RALGAPA2: variants seen among roughly 807,000 people sequenced by gnomAD.
RALGAPA2 encodes the protein ral GTPase-activating protein subunit alpha-2.
A neutral mutation model predicts 230.4 loss-of-function variants in RALGAPA2; 139 were observed. The observed-to-expected ratio is 0.60, with a 90% CI of 0.53 to 0.69. RALGAPA2 has a LOEUF of 0.69. Among genes scored for constraint, RALGAPA2 ranks in the 30% least tolerant of loss-of-function variants. The pLI, the probability that RALGAPA2 is intolerant of heterozygous loss-of-function variation, is 0.00. For synonymous variants in RALGAPA2, 847 were observed against 837.8 expected (o/e 1.01, Z -0.19); for missense variants, 2,163 against 2,276.0 (o/e 0.95, Z 1.01).
intron 1 of RALGAPA2, among the ~76,000 whole-genome samples, chr20:20,694,904 T>A (rs542842854): frequency 2.0e-5 from 3 of 152,336 alleles, no homozygotes; most frequent in African/African-American, 7.2e-5. Flanking sequence ...ATACCTAAAT[T>A]ATTTTTCATA....
chr20:20,408,389 C>T (rs142240737), intron 38 of RALGAPA2, among the ~76,000 whole-genome samples: 171 of 152,298 alleles, frequency 1.1e-3, no homozygotes, highest in African/African-American at 3.8e-3. Context: ...ATTTTTAGAT[C>T]CAGACACAAT....
At chr20:20,539,038 T>C (rs1307728782) in intron 24 of RALGAPA2, among the ~76,000 whole-genome samples, 2 of 152,236 alleles carry the variant, frequency 1.3e-5, no homozygotes, top group Non-Finnish European at 2.9e-5. Flanking sequence ...TGTGTTTTCA[T>C]TGTATATAAT....
chr20:20,465,994 CT>C (rs2061413517), intron 37 of RALGAPA2, among the ~76,000 whole-genome samples: 1 of 152,242 alleles, frequency 6.6e-6, no homozygotes, highest in African/African-American at 2.4e-5. Context: ...GTTTGCTGGG[CT>C]TTCACCAAGG....
chr20:20,457,394 C>T (rs1407893937), intron 37 of RALGAPA2, among the ~76,000 whole-genome samples: 4 of 152,178 alleles, frequency 2.6e-5, no homozygotes, highest in Non-Finnish European at 4.4e-5. Context: ...ATTTATCTCA[C>T]AGGAAAGATC....
chr20:20,505,693 C>A (rs1356792476), intron 33 of RALGAPA2, among the ~76,000 whole-genome samples, 159 bp from the exon 34 acceptor site: 1 of 152,158 alleles, frequency 6.6e-6, no homozygotes, highest in Non-Finnish European at 1.5e-5. Flanking sequence ...CACATAGTCT[C>A]ATTTATTCTT....
chr20:20,526,471 G>T, intron 27 of RALGAPA2, 109 bp from the exon 28 acceptor site: 1 of 709,106 alleles, frequency 1.4e-6, no homozygotes. Flanking sequence ...ACATTTATCT[G>T]TTTTGCCTCA....
intron 4 of RALGAPA2, among the ~76,000 whole-genome samples, chr20:20,651,033 G>A (rs574060407): frequency 6.6e-6 from 1 of 152,166 alleles, no homozygotes; most frequent in East Asian, 1.9e-4. Context: ...TTCCACTAAT[G>A]GTACATATTC....
At chr20:20,700,204 G>A (rs1305394347) in intron 1 of RALGAPA2, among the ~76,000 whole-genome samples, 2 of 152,108 alleles carry the variant, frequency 1.3e-5, no homozygotes, top group African/African-American at 2.4e-5. Context: ...ATTAATGCAG[G>A]AACTGAAAAC....
At chr20:20,456,079 G>T (rs2061110752) in intron 37 of RALGAPA2, among the ~76,000 whole-genome samples, 1 of 152,154 alleles carries the variant, frequency 6.6e-6, no homozygotes. Flanking sequence ...TAACTCTCTG[G>T]ATTTAGAAGT....
rs1303866598 is a variant in RALGAPA2 at position 20,712,473 on chromosome 20, G to A, written c.8C>T (p.Ser3Phe). ...CTTCACATCCCCGTGGCTCCTTCGG[G>A]AGAACATCCCGCGGCAGGAAGCCCG... MF[S>F]RRSHGDVKKS... Residue 3 changes from serine (S) to phenylalanine (F), a missense_variant, in exon 1 of 40, where the codon TCC becomes TTC. Transcript: ENST00000202677. The surrounding 1 kb of genome is among the most constrained non-coding windows in gnomAD (Gnocchi z 5.5). The A allele has an allele frequency of 1.9e-6, 3 of 1,548,112 alleles. No individual in the cohort carries two copies. Among genetic ancestry groups the A allele is most frequent in the African/African-American group, 1.4e-5 (1 of 72,230 alleles).
rs547980589 is a variant in RALGAPA2, at chr20:20,557,483, T to C, written c.3157-10651A>G. Reference sequence around the variant, plus strand: ...CACACTGTCTCAAGAATGCATCTACTAGAAATATATTCTTCTTAGAATATT... The same window carrying C: ...CACACTGTCTCAAGAATGCATCTACCAGAAATATATTCTTCTTAGAATATT... On this transcript the variant is annotated intron_variant, in intron 23 of 39. Coordinates refer to ENST00000202677, the MANE Select transcript of RALGAPA2 (RefSeq NM_020343.4). 2.2e-4 allele frequency among the ~76,000 whole-genome samples: 33 copies of C among 152,324 alleles called. No individual in the cohort carries two copies. The South Asian group carries it at 6.2e-3, about 29-fold the overall frequency.
rs773152844 is a variant in RALGAPA2 at position 20,583,156 on chromosome 20, C to G, written c.2601G>C (p.Gln867His). 15 of 1,613,712 alleles carry G rather than the reference C, an allele frequency of 9.3e-6. No homozygotes were observed. In the South Asian group the frequency reaches 1.6e-4, roughly 18 times the overall value. ...TCAGTTCTGGGTCTTCCTCACAGGT[C>G]TGCCATGGGCCCATGGACAGCTCTG... ...NEAELSMGPWQTCEEDPELNT... is the reference protein window; with the variant it reads ...NEAELSMGPWHTCEEDPELNT... The change falls in exon 20 of 40, where the codon CAG becomes CAC. Residue 867 changes from glutamine to histidine, a missense_variant. By Grantham distance (24) the Gln-to-His change is conservative. Coordinates refer to ENST00000202677, the MANE Select transcript of RALGAPA2 (RefSeq NM_020343.4).
intron 26 of RALGAPA2, among the ~76,000 whole-genome samples, chr20:20,534,785 G>A (rs1482484913): frequency 6.6e-6 from 1 of 152,132 alleles, no homozygotes; most frequent in Non-Finnish European, 1.5e-5. Context: ...AATCAAACCT[G>A]ATAAGGGAAG....
intron 37 of RALGAPA2, among the ~76,000 whole-genome samples, chr20:20,445,444 G>A (rs182991350): frequency 5.3e-5 from 8 of 152,320 alleles, no homozygotes; most frequent in African/African-American, 1.9e-4. Flanking sequence ...TCTTGGAACT[G>A]GAAGCTGGGG....
In RALGAPA2 at chr20:20,513,016, T is replaced by C. The variant is rs1009563234; in HGVS notation, c.4353A>G (p.Ser1451=). Residue 1451 remains serine (S), a synonymous_variant, in exon 32 of 40, where the codon TCA becomes TCG. Transcript: ENST00000202677. ...QTPTEGPVGG[S]PVGSLSDVRV... ...TCACATCAGAGAGAGAGCCCACTGG[T>C]GATCCCCCTACCGGTCCTTCTGTGG... 10 of 1,613,748 alleles carry C rather than the reference T, an allele frequency of 6.2e-6. No individual in the cohort carries two copies. In the Admixed American group the frequency reaches 1.7e-4, roughly 27 times the overall value.
chr20:20,421,785 T>C (rs2060280519), intron 37 of RALGAPA2, among the ~76,000 whole-genome samples: 1 of 152,180 alleles, frequency 6.6e-6, no homozygotes, highest in African/African-American at 2.4e-5. Flanking sequence ...AGAAGTTCAA[T>C]ACCCAAGAGA....
intron 24 of RALGAPA2, among the ~76,000 whole-genome samples, chr20:20,540,932 AG>A (rs1236498387): frequency 6.6e-6 from 1 of 152,054 alleles, no homozygotes. Flanking sequence ...TTTCTGTCAG[AG>A]GCCTCAAATA....
In RALGAPA2 at chr20:20,512,880, A is replaced by C; in HGVS notation, c.4489T>G (p.Ser1497Ala). 1.9e-6 allele frequency: 3 copies of C among 1,613,932 alleles called. No homozygotes were observed. The highest frequency in any genetic ancestry group is 2.5e-6 in the Non-Finnish European group (3 of 1,179,794). Residue 1497 changes from serine to alanine, a missense_variant, in exon 32 of 40, where the codon TCG (serine) becomes GCG (alanine). Ser to Ala is a moderately conservative substitution (Grantham distance 99). Coordinates refer to ENST00000202677, the MANE Select transcript of RALGAPA2 (RefSeq NM_020343.4). ...CCAAATGTGTCACGATGCCAGCTCG[A>C]AATCAGAAATGAAGGATTTCTTCCA... ...PNGRNPSFLI[S>A]SWHRDTFGPQ...
intron 23 of RALGAPA2, among the ~76,000 whole-genome samples, chr20:20,558,449 T>G (rs1466974482): frequency 6.6e-6 from 1 of 152,222 alleles, no homozygotes; most frequent in Non-Finnish European, 1.5e-5. Flanking sequence ...GATGATTGCT[T>G]CAGCTTAAAA....
Sources: allele counts gnomAD v4.1 joint callset (sites outside exome capture counted in the v4.1 genomes callset), GRCh38; gene constraint gnomAD v4.1.1; non-coding constraint Gnocchi (gnomAD v3.1); transcripts MANE v1.5; gene names NCBI Gene and HGNC (gene_info 2026-07-23, HGNC 2026-07-21).